The following HMCN2 variants were observed in gnomAD, a reference collection of about 807,000 sequenced individuals.
HMCN2 encodes hemicentin-2.
HMCN2 carries 325 observed loss-of-function variants against 377.5 expected under a neutral mutation model. The ratio of observed to expected loss-of-function variants is 0.86; its 90% CI spans 0.79 to 0.94. The LOEUF is 0.94. HMCN2 is among the 40% of genes least tolerant of loss of function. HMCN2 has a pLI of 0.00. For synonymous variants in HMCN2, 2,007 were observed against 2,046.8 expected (o/e 0.98, Z 0.53); for missense variants, 4,543 against 4,725.3 (o/e 0.96, Z 1.13).
At chr9:130,278,121 G>T (rs55981075) in intron 1 of HMCN2, among the ~76,000 whole-genome samples, 137,988 of 141,676 alleles carry the variant, frequency 0.97, 67,229 homozygotes, top group East Asian at 1. Flanking sequence ...TGTTTGTTTG[G>T]TTGGTTGGTT....
Position 130,403,260 on chromosome 9 carries a change from C to T in HMCN2, c.11945C>T (p.Pro3982Leu), listed in dbSNP as rs1380125554. ...GTGGCAGAGGAGGAGGTGCTGCTGC[C>T]CTGCGAGGCCTCAGGCATCCCCCGG... Reference protein sequence around the residue: ...RAVAEEEVLLPCEASGIPRPT... With the variant: ...RAVAEEEVLLLCEASGIPRPT... Residue 3982 changes from proline (P) to leucine (L), a missense_variant, in exon 79 of 98, where the codon CCC (proline) becomes CTC (leucine). Around this residue, in one of 5 missense-constraint regions of HMCN2, gnomAD observed 1,073 missense variants for 1,319.5 expected, o/e 0.81. Transcript: ENST00000683500. The T allele has an allele frequency of 1.3e-5, 17 of 1,289,634 alleles. No homozygotes were observed. The highest frequency in any genetic ancestry group is 1.7e-5 in the Non-Finnish European group (17 of 988,868). The allele number at this position is 1,289,634 out of a possible 1,614,324, so 79.9% of individuals were successfully genotyped here. A position where few individuals can be genotyped will look rare whatever the true frequency, so the allele number is the denominator to read the frequency against.
Position 130,277,989 on chromosome 9 carries a change from G to GATC in HMCN2, c.260-6609_260-6607dup, listed in dbSNP as rs1564740145. ...CCACCATCATCATCACCACCACCAC[G>GATC]ATCATCACCACCACCACCATCATCA... On this transcript the variant is annotated intron_variant, in intron 1 of 97. Transcript: ENST00000683500. 9.0e-4 allele frequency among the ~76,000 whole-genome samples: 12 copies of GATC among 13,268 alleles called. 1 individual carries two copies. The East Asian group carries it at 9.1e-3, about 10-fold the overall frequency. 8.7% of individuals were successfully genotyped at this position (13,268 alleles called of 152,430 possible). A position where few individuals can be genotyped will look rare whatever the true frequency, so the allele number is the denominator to read the frequency against.
At chr9:130,363,255 G>A (rs918836832) in intron 40 of HMCN2, among the ~76,000 whole-genome samples, 1 of 152,238 alleles carries the variant, frequency 6.6e-6, no homozygotes, top group Non-Finnish European at 1.5e-5. Context: ...GGGGTGTGAA[G>A]TAGCAGGAAC....
chr9:130,423,928 C>T lies in HMCN2; in HGVS notation c.13382-848C>T, dbSNP rs547779664. The stretch of plus-strand genomic sequence containing the variant: ...TCCGTGGTGACCCGGGGCCCTCAAT[C>T]GGTATTTGTTGAACTGAGTTAAATA... On this transcript the variant is annotated intron_variant, in intron 87 of 97. Transcript: ENST00000683500. The surrounding 1 kb of genome is among the most constrained non-coding windows in gnomAD (Gnocchi z 5.5). Among the ~76,000 whole-genome samples, 3 of 152,084 alleles carry T rather than the reference C, an allele frequency of 2.0e-5. No individual in the cohort carries two copies. The highest frequency in any genetic ancestry group is 2.9e-5 in the Non-Finnish European group (2 of 68,024).
intron 62 of HMCN2, among the ~76,000 whole-genome samples, 180 bp downstream of exon 62, chr9:130,388,720 C>G (rs1055140366): frequency 6.8e-6 from 1 of 147,434 alleles, no homozygotes; most frequent in Non-Finnish European, 1.5e-5. Flanking sequence ...TTTATTGGCC[C>G]TTGGAATCCA....
intron 85 of HMCN2, among the ~76,000 whole-genome samples, chr9:130,418,232 A>C (rs1018212694): frequency 6.6e-6 from 1 of 152,220 alleles, no homozygotes; most frequent in African/African-American, 2.4e-5. Context: ...ATGTAACTGC[A>C]TGGAAAGGTA....
In HMCN2 at chr9:130,369,377, C is replaced by T. The variant is rs1315717106; in HGVS notation, c.6788-193C>T. Reference sequence around the variant, plus strand: ...CCCCACATAGCAGGCCTGCCTGTGACTCCCAGGCTGTAGTAGCAGTAGGGT... The same window carrying T: ...CCCCACATAGCAGGCCTGCCTGTGATTCCCAGGCTGTAGTAGCAGTAGGGT... On this transcript the variant is annotated intron_variant, in intron 44 of 97. Coordinates refer to ENST00000683500, the MANE Select transcript of HMCN2 (RefSeq NM_001291815.2). The surrounding 1 kb of genome is among the most constrained non-coding windows in gnomAD (Gnocchi z 4.5). Among the ~76,000 whole-genome samples, 1 of 152,234 alleles carries T rather than the reference C, an allele frequency of 6.6e-6. No individual in the cohort carries two copies. Among genetic ancestry groups the T allele is most frequent in the Non-Finnish European group, 1.5e-5 (1 of 68,040 alleles).
chr9:130,415,341 T>C (rs1843629212), intron 85 of HMCN2, among the ~76,000 whole-genome samples: 1 of 152,094 alleles, frequency 6.6e-6, no homozygotes, highest in African/African-American at 2.4e-5. Flanking sequence ...CTGGTAAGGA[T>C]TTCCTTTTTA....
At chr9:130,273,871 T>C (rs1185610167) in intron 1 of HMCN2, among the ~76,000 whole-genome samples, 2 of 152,000 alleles carry the variant, frequency 1.3e-5, no homozygotes, top group African/African-American at 2.4e-5. Flanking sequence ...TGTCATCAAG[T>C]GAAAGAAGAT....
chr9:130,376,999 G>A (rs559400739), intron 52 of HMCN2, among the ~76,000 whole-genome samples: 9 of 151,902 alleles, frequency 5.9e-5, no homozygotes, highest in Non-Finnish European at 8.8e-5. Flanking sequence ...GGGTTTCACC[G>A]TGTTGGCCAG....
At chr9:130,316,122 CA>C (rs1247311442) in intron 15 of HMCN2, among the ~76,000 whole-genome samples, 5 of 152,162 alleles carry the variant, frequency 3.3e-5, no homozygotes, top group Non-Finnish European at 7.4e-5. Flanking sequence ...GGAGAGCAGC[CA>C]GGGGCCACTG....
At chr9:130,350,841 G>T (rs932686449) in intron 29 of HMCN2, among the ~76,000 whole-genome samples, 7 of 151,842 alleles carry the variant, frequency 4.6e-5, no homozygotes, top group Admixed American at 6.6e-5. Flanking sequence ...GGGAGGTGGA[G>T]GTTGCAGTGA....
rs996941229 is a variant in HMCN2, at chr9:130,375,910, G to A, written c.7839G>A (p.Lys2613=). Residue 2613 remains lysine, a synonymous_variant, in exon 51 of 98, where the codon AAG becomes AAA. Coordinates refer to ENST00000683500, the MANE Select transcript of HMCN2 (RefSeq NM_001291815.2). ...THGLQILNAQ[K]EDAGQYTCVV... ...GGCTGCAGATCCTGAATGCCCAGAA[G>A]GAAGATGCTGGCCAGTACACCTGCG... 1 of 986,008 alleles carries A rather than the reference G, an allele frequency of 1.0e-6. No individual in the cohort carries two copies. 61.1% of individuals were successfully genotyped at this position (986,008 alleles called of 1,614,324 possible). A position where few individuals can be genotyped will look rare whatever the true frequency, so the allele number is the denominator to read the frequency against.
At chr9:130,358,929 C>A (rs990448842) in intron 36 of HMCN2, among the ~76,000 whole-genome samples, 1 of 152,360 alleles carries the variant, frequency 6.6e-6, no homozygotes, top group Non-Finnish European at 1.5e-5. Context: ...CCGCCTCGGC[C>A]TCCCAAAGTG....
Position 130,368,344 on chromosome 9 carries a change from G to A in HMCN2, c.6694G>A (p.Gly2232Arg), listed in dbSNP as rs1840810785. The A allele has an allele frequency of 3.0e-6, 3 of 985,682 alleles. No homozygotes were observed. The highest frequency in any genetic ancestry group is 9.4e-5 in the South Asian group (2 of 21,290). The allele number at this position is 985,682 out of a possible 1,614,324, so 61.1% of individuals were successfully genotyped here. A position where few individuals can be genotyped will look rare whatever the true frequency, so the allele number is the denominator to read the frequency against. ...VSAVGRLLYL[G>R]QAQLAQEGTY... The stretch of plus-strand genomic sequence containing the variant: ...GGCTGTGGGGAGGCTGTTGTACCTG[G>A]GACAGGCCCAGCTGGCTCAGGAAGG... Residue 2232 changes from glycine (G) to arginine (R), a missense_variant, in exon 44 of 98, where the codon GGA (glycine) becomes AGA (arginine). By Grantham distance (125) the Gly-to-Arg change is moderately radical (BLOSUM62 -2). Around this residue, in one of 5 missense-constraint regions of HMCN2, gnomAD observed 1,032 missense variants for 1,285.1 expected, o/e 0.80. Coordinates refer to ENST00000683500, the MANE Select transcript of HMCN2 (RefSeq NM_001291815.2).
intron 1 of HMCN2, among the ~76,000 whole-genome samples, chr9:130,276,193 T>C (rs1834684620): frequency 6.6e-6 from 1 of 152,002 alleles, no homozygotes; most frequent in African/African-American, 2.4e-5. Flanking sequence ...CCTGCACCCA[T>C]TAATCACTTA....
chr9:130,285,346 TGGGGTCCCCCG>T (rs1376416617), intron 3 of HMCN2, 30 bp downstream of exon 3: 1 of 469,768 alleles, frequency 2.1e-6, no homozygotes, highest in Non-Finnish European at 4.4e-6. Context: ...GGGCCCAAAG[TGGGGTCCCCCG>T]GGGGTCCCGA....
At chr9:130,313,885 T>C (rs1046487961) in intron 15 of HMCN2, among the ~76,000 whole-genome samples, 2 of 149,598 alleles carry the variant, frequency 1.3e-5, no homozygotes, top group South Asian at 4.2e-4. Context: ...GTGCAAGTGA[T>C]CCTCTTGCCT....
At position 130,395,199 on chromosome 9, in the gene HMCN2, C is replaced by A. The variant is rs904984545; in HGVS notation, c.10775-12C>A. 1.1e-5 allele frequency: 14 copies of A among 1,286,860 alleles called. No homozygotes were observed. The Admixed American group carries it at 3.0e-4, about 28-fold the overall frequency. 79.7% of individuals were successfully genotyped at this position (1,286,860 alleles called of 1,614,324 possible). On this transcript the variant is annotated splice_polypyrimidine_tract_variant and intron_variant, in intron 70 of 97. Coordinates refer to ENST00000683500, the MANE Select transcript of HMCN2 (RefSeq NM_001291815.2). Reference sequence around the variant, plus strand: ...CCCCCTCTCATATCCTCTTGTGCCACCCCCTTCCCAGCCCCTCCAAACATT... The same window carrying A: ...CCCCCTCTCATATCCTCTTGTGCCAACCCCTTCCCAGCCCCTCCAAACATT...
Sources: allele counts gnomAD v4.1 joint callset (sites outside exome capture counted in the v4.1 genomes callset), GRCh38; gene constraint gnomAD v4.1.1; regional missense constraint gnomAD v4.1.1; non-coding constraint Gnocchi (gnomAD v3.1); transcripts MANE v1.5; gene names NCBI Gene and HGNC (gene_info 2026-07-23, HGNC 2026-07-21).